Variants in SUDS3 observed in about 807,000 individuals in gnomAD.
SUDS3 encodes sin3 histone deacetylase corepressor complex component SDS3.
A neutral mutation model predicts 53.5 loss-of-function variants in SUDS3; 23 were observed. The ratio of observed to expected loss-of-function variants is 0.43; its 90% CI spans 0.31 to 0.61. The LOEUF (loss-of-function observed/expected upper bound fraction) is 0.61, where lower values mean the gene tolerates loss of function less well. Ranked by LOEUF, SUDS3 falls within the 20% of genes least tolerant of loss-of-function variation. SUDS3 has a pLI of 0.10. For missense variants in SUDS3, 291 were observed against 405.9 expected, an observed-to-expected ratio of 0.72 and a Z score of 2.43; for synonymous variants, 150 against 148.5, an observed-to-expected ratio of 1.01 and a Z score of -0.08.
At chr12:118,395,229 T>G (rs793595) in intron 6 of SUDS3, among the ~76,000 whole-genome samples, 4 of 140,062 alleles carry the variant, frequency 2.9e-5, no homozygotes, top group East Asian at 2.3e-4. Context: ...TTTTTTTTTT[T>G]TTTTTTTTTT....
At chr12:118,394,796 C>T (rs903058520) in intron 6 of SUDS3, among the ~76,000 whole-genome samples, 9 of 152,172 alleles carry the variant, frequency 5.9e-5, no homozygotes, top group Non-Finnish European at 1.2e-4. Context: ...GGTGATTCTC[C>T]CACCTCAGCC....
intron 2 of SUDS3, among the ~76,000 whole-genome samples, chr12:118,381,741 A>G (rs1269614388): frequency 6.6e-6 from 1 of 150,422 alleles, no homozygotes; most frequent in Non-Finnish European, 1.5e-5. Flanking sequence ...CTCTCACCCA[A>G]ACCTTCTCAT....
intron 5 of SUDS3, among the ~76,000 whole-genome samples, chr12:118,390,282 A>G (rs2046153482): frequency 6.6e-6 from 1 of 152,244 alleles, no homozygotes; most frequent in Non-Finnish European, 1.5e-5. Context: ...GAATTGGCTC[A>G]GCAGTTCTGT....
At chr12:118,411,693 G>A (rs143750372) in intron 11 of SUDS3, among the ~76,000 whole-genome samples, 3,363 of 151,972 alleles carry the variant, frequency 0.022, 122 homozygotes, top group African/African-American at 0.076. Flanking sequence ...AGTAGAGATG[G>A]GGTTTCACCA....
At chr12:118,400,555 A>T in intron 6 of SUDS3, 104 bp from the exon 7 acceptor site, 1 of 1,056,624 alleles carries the variant, frequency 9.5e-7, no homozygotes, top group South Asian at 1.3e-5. Flanking sequence ...CCAGTAAAAC[A>T]GTTCTGATTG....
intron 2 of SUDS3, among the ~76,000 whole-genome samples, chr12:118,382,349 CT>C (rs1566196226): frequency 1.3e-5 from 1 of 79,078 alleles, no homozygotes; most frequent in Non-Finnish European, 2.2e-5. Flanking sequence ...TGCCAGGCCA[CT>C]TTTTTTTGAG....
At chr12:118,380,072 G>A (rs10850967) in intron 1 of SUDS3, 90 bp from the exon 2 acceptor site, 213,845 of 990,686 alleles carry the variant, frequency 0.22, 26,000 homozygotes, top group African/African-American at 0.46. Flanking sequence ...TTGATTTTAC[G>A]GGAGTTTATT....
At chr12:118,388,064 A>G (rs1268552143) in intron 4 of SUDS3, among the ~76,000 whole-genome samples, 2 of 152,244 alleles carry the variant, frequency 1.3e-5, no homozygotes, top group Non-Finnish European at 2.9e-5. Flanking sequence ...TCGGAATGGC[A>G]CAGGACTTCA....
intron 4 of SUDS3, 58 bp downstream of exon 4, chr12:118,386,243 G>T: frequency 2.2e-6 from 3 of 1,383,132 alleles, no homozygotes; most frequent in Admixed American, 3.9e-5. Flanking sequence ...TTTGCCGATC[G>T]TCGGTGTAAT....
Position 118,376,842 on chromosome 12 carries a change from T to C in SUDS3, c.142+9T>C, listed in dbSNP as rs906933856. 1 of 1,369,466 alleles carries C rather than the reference T, an allele frequency of 7.3e-7. No individual in the cohort carries two copies. The highest frequency in any genetic ancestry group is 9.5e-7 in the Non-Finnish European group (1 of 1,048,348). 84.8% of individuals were successfully genotyped at this position (1,369,466 alleles called of 1,614,324 possible). ...CCGCGAGTCGGACGAAGGTGAGTCC[T>C]GCCGCTCGCCCGGCCGCCCGGAGCG... is the stretch of plus-strand genomic sequence containing the variant. On this transcript the variant is annotated intron_variant, in intron 1 of 11. Transcript: ENST00000543473.
chr12:118,400,889 ATGTT>A (rs1566205818), intron 7 of SUDS3, 135 bp downstream of exon 7: 32 of 832,272 alleles, frequency 3.8e-5, no homozygotes, highest in Non-Finnish European at 5.3e-5. Flanking sequence ...CGTGTGTTAA[ATGTT>A]TGTCCACAGG....
chr12:118,394,120 A>G (rs965795255), intron 6 of SUDS3, among the ~76,000 whole-genome samples: 17 of 152,168 alleles, frequency 1.1e-4, no homozygotes, highest in African/African-American at 4.1e-4. Context: ...ATTAGAGCTA[A>G]CTTTGCAGGC....
intron 2 of SUDS3, among the ~76,000 whole-genome samples, chr12:118,381,834 G>A (rs146282002): frequency 2.9e-4 from 44 of 152,224 alleles, no homozygotes; most frequent in African/African-American, 1.0e-3. Context: ...GATGGAAAAC[G>A]GTATAAAGTA....
intron 10 of SUDS3, among the ~76,000 whole-genome samples, chr12:118,406,953 G>C (rs2046313851): frequency 6.6e-6 from 1 of 150,804 alleles, no homozygotes; most frequent in Admixed American, 6.6e-5. Flanking sequence ...CTGGCATGCA[G>C]TGGTGTGATC....
rs1340831627 is a variant in SUDS3 at position 118,376,812 on chromosome 12, C to A, written c.121C>A (p.Arg41=). ...CGCCGAGGACGACGAGCGCAGCTGT[C>A]GGGGCCGCGAGTCGGACGAAGGTGA... ...ESAEDDERSC[R]GRESDEDTED... Residue 41 remains arginine, a synonymous_variant, in exon 1 of 12, where the codon CGG becomes AGG. Transcript: ENST00000543473. The A allele has an allele frequency of 1.6e-5, 24 of 1,483,378 alleles. No homozygotes were observed. Among genetic ancestry groups the A allele is most frequent in the East Asian group, 2.8e-5 (1 of 35,470 alleles). The allele number at this position is 1,483,378 out of a possible 1,614,324, so 91.9% of individuals were successfully genotyped here.
chr12:118,383,983 C>T (rs759583916), intron 2 of SUDS3, 29 bp from the exon 3 acceptor site: 3 of 1,592,344 alleles, frequency 1.9e-6, no homozygotes, highest in Admixed American at 3.5e-5. Context: ...ATGTTTTTAT[C>T]TGTTAGTGTG....
chr12:118,379,752 C>T (rs1328662524), intron 1 of SUDS3, among the ~76,000 whole-genome samples: 1 of 152,214 alleles, frequency 6.6e-6, no homozygotes, highest in African/African-American at 2.4e-5. Flanking sequence ...GCAGAAGTAG[C>T]AGCCTTCACC....
Position 118,415,711 on chromosome 12 carries a change from T to C in SUDS3, c.*1278T>C, listed in dbSNP as rs1457637139. On this transcript the variant is annotated 3_prime_UTR_variant, in exon 12 of 12. Transcript: ENST00000543473. ...CTTACACATCCTAGGAAATCTTTCT[T>C]TGTAAGTAATTCTTTTGGTCTCAAG... is the stretch of plus-strand genomic sequence containing the variant. The C allele has an allele frequency of 6.6e-6, 1 of 152,172 alleles. No homozygotes were observed. Among genetic ancestry groups the C allele is most frequent in the African/African-American group, 2.4e-5 (1 of 41,444 alleles). 9.4% of individuals were successfully genotyped at this position (152,172 alleles called of 1,614,324 possible). A position where few individuals can be genotyped will look rare whatever the true frequency, so the allele number is the denominator to read the frequency against.
intron 10 of SUDS3, among the ~76,000 whole-genome samples, chr12:118,409,887 C>A (rs2046343375): frequency 6.6e-6 from 1 of 152,258 alleles, no homozygotes; most frequent in African/African-American, 2.4e-5. Context: ...ACTTCACTTT[C>A]ATCCTTGGCC....
Sources: gnomAD v4.1 joint callset for allele counts (sites outside exome capture counted in the v4.1 genomes callset) on GRCh38, gnomAD v4.1.1 for gene constraint, MANE v1.5 for transcripts, NCBI Gene and HGNC (gene_info 2026-07-23, HGNC 2026-07-21) for gene names.